CFAP410: variants seen among roughly 807,000 people sequenced by gnomAD.
The protein encoded by CFAP410 is cilia- and flagella-associated protein 410.
Under a neutral mutation model 25.7 loss-of-function variants are expected in CFAP410, and 27 were observed. That is an observed-to-expected ratio of 1.05 (90% CI 0.77 to 1.45). The LOEUF (loss-of-function observed/expected upper bound fraction) is 1.45. Among genes scored for constraint, CFAP410 ranks in the 40% most tolerant of loss-of-function variants. CFAP410 has a pLI of 0.00. For synonymous variants in CFAP410, 178 were observed against 158.4 expected (o/e 1.12, Z -0.93); for missense variants, 428 against 354.1 (o/e 1.21, Z -1.67).
At chr21:44,330,952 G>A (rs370075444) in intron 5 of CFAP410, 33 bp from the exon 6 acceptor site, 41 of 1,530,908 alleles carry the variant, frequency 2.7e-5, no homozygotes, top group Non-Finnish European at 3.1e-5. Context: ...TGAGGGTCAG[G>A]GGGCTCGTGG....
At chr21:44,334,484 G>A (rs190010259) in intron 3 of CFAP410, 7 of 219,458 alleles carry the variant, frequency 3.2e-5, no homozygotes, top group South Asian at 1.8e-4. Context: ...GCAGGCACGC[G>A]CACCCCCCCT....
intron 5 of CFAP410, chr21:44,331,202 G>A: frequency 1.9e-6 from 1 of 523,096 alleles, no homozygotes; most frequent in Non-Finnish European, 3.4e-6. Flanking sequence ...GCAGGGTGGG[G>A]GGCACCCGAA....
intron 3 of CFAP410, chr21:44,333,644 A>C: frequency 3.1e-6 from 1 of 327,548 alleles, no homozygotes; most frequent in Non-Finnish European, 5.7e-6. Flanking sequence ...AGAAAAACTC[A>C]TGGCAAAAAC....
rs893404743 is a variant in CFAP410, at chr21:44,329,192, C to T, written c.*1006G>A. ...CCAGTGCTGCAGCTGGCTCTGGTGA[C>T]GGTGGCACGGCATGGCCCCGAGCTT... On this transcript the variant is annotated 3_prime_UTR_variant, in exon 7 of 7. Coordinates refer to ENST00000339818, the MANE Select transcript of CFAP410 (RefSeq NM_004928.3). 2.6e-5 allele frequency: 4 copies of T among 152,356 alleles called. No individual in the cohort carries two copies. Among genetic ancestry groups the T allele is most frequent in the Non-Finnish European group, 4.4e-5 (3 of 68,146 alleles). 9.4% of individuals were successfully genotyped at this position (152,356 alleles called of 1,614,324 possible).
In CFAP410 at chr21:44,330,316, G is replaced by T; in HGVS notation, c.653C>A (p.Thr218Asn). Residue 218 changes from threonine to asparagine, a missense_variant, in exon 7 of 7, where the codon ACT becomes AAT. By Grantham distance (65) the Thr-to-Asn change is moderately conservative. Coordinates refer to ENST00000339818, the MANE Select transcript of CFAP410 (RefSeq NM_004928.3). Reference protein sequence around the residue: ...SSSHRGRNVLTAILLLLRELD... With the variant: ...SSSHRGRNVLNAILLLLRELD... ...CTCCCGCAGCAGCAGCAGGATGGCAGTCAGGACGTTCTGAGGGCAGAGGGG... is the reference window on the plus strand; with the variant it reads ...CTCCCGCAGCAGCAGCAGGATGGCATTCAGGACGTTCTGAGGGCAGAGGGG... The T allele has an allele frequency of 6.2e-7, 1 of 1,610,508 alleles. No individual in the cohort carries two copies. The highest frequency in any genetic ancestry group is 8.5e-7 in the Non-Finnish European group (1 of 1,178,792).
chr21:44,337,688 T>C, intron 1 of CFAP410, 21 bp from the exon 2 acceptor site: 2 of 1,603,532 alleles, frequency 1.2e-6, no homozygotes, highest in African/African-American at 2.7e-5. Flanking sequence ...AAAAGATACA[T>C]ACTTTAATTT....
chr21:44,333,409 G>T, intron 3 of CFAP410, 147 bp from the exon 4 acceptor site: 1 of 661,702 alleles, frequency 1.5e-6, no homozygotes, highest in Non-Finnish European at 2.6e-6. Flanking sequence ...CAAGTCACGT[G>T]CAGCAGGACC....
chr21:44,337,536 T>C (rs1602089808), intron 2 of CFAP410, 113 bp downstream of exon 2: 2 of 855,684 alleles, frequency 2.3e-6, no homozygotes, highest in Non-Finnish European at 3.8e-6. Flanking sequence ...ACTGAATTGA[T>C]AGGTGCAGTT....
chr21:44,335,901 C>T (rs1009804856), intron 2 of CFAP410, 97 bp from the exon 3 acceptor site: 2 of 936,974 alleles, frequency 2.1e-6, no homozygotes, highest in East Asian at 2.6e-5. Flanking sequence ...CACGGCCAAC[C>T]CACTTCCGGG....
chr21:44,338,397 G>A (rs1418142604), intron 1 of CFAP410: 2 of 1,015,986 alleles, frequency 2.0e-6, no homozygotes, highest in Non-Finnish European at 2.7e-6. Flanking sequence ...TCTTCTGGAA[G>A]CTCCTGGTCT....
intron 3 of CFAP410, chr21:44,333,523 T>G (rs1410306194): frequency 1.8e-6 from 1 of 568,720 alleles, no homozygotes; most frequent in African/African-American, 1.9e-5. Context: ...CCACATCAGC[T>G]CCTCAGGGCG....
At position 44,329,117 on chromosome 21, in the gene CFAP410, A is replaced by G. The variant is rs1457115966; in HGVS notation, c.*1081T>C. 1 of 152,206 alleles carries G rather than the reference A, an allele frequency of 6.6e-6. No individual in the cohort carries two copies. The highest frequency in any genetic ancestry group is 1.5e-5 in the Non-Finnish European group (1 of 68,038). The allele number at this position is 152,206 out of a possible 1,614,324, so 9.4% of individuals were successfully genotyped here. A position where few individuals can be genotyped will look rare whatever the true frequency, so the allele number is the denominator to read the frequency against. On this transcript the variant is annotated 3_prime_UTR_variant, in exon 7 of 7. Coordinates refer to ENST00000339818, the MANE Select transcript of CFAP410 (RefSeq NM_004928.3). ...CCCTTCTGGAGAGCTTGCACGGATG[A>G]GTGACTGTCTTCACCCTGGGCTTCC... is the stretch of plus-strand genomic sequence containing the variant.
rs1348383922 is a variant in CFAP410, at chr21:44,339,265, G to A, written c.-71C>T. ...CCCGGGCGGGTGACGACTGCGCGGC[G>A]CGTGTCTCCAGGGGCGGGGCCCGCG... is the stretch of plus-strand genomic sequence containing the variant. On this transcript the variant is annotated 5_prime_UTR_variant, in exon 1 of 7. Coordinates refer to ENST00000339818, the MANE Select transcript of CFAP410 (RefSeq NM_004928.3). 3.9e-6 allele frequency: 4 copies of A among 1,019,710 alleles called. No homozygotes were observed. Among genetic ancestry groups the A allele is most frequent in the Non-Finnish European group, 5.4e-6 (4 of 746,030 alleles). 63.2% of individuals were successfully genotyped at this position (1,019,710 alleles called of 1,614,324 possible). A position where few individuals can be genotyped will look rare whatever the true frequency, so the allele number is the denominator to read the frequency against.
intron 4 of CFAP410, 84 bp downstream of exon 4, chr21:44,332,949 A>C (rs2047678496): frequency 5.5e-6 from 5 of 915,986 alleles, no homozygotes; most frequent in Non-Finnish European, 8.4e-6. Context: ...TATTTGCAGA[A>C]AAGGAGAAGA....
At chr21:44,330,380 C>G in intron 6 of CFAP410, 54 bp from the exon 7 acceptor site, 1 of 1,583,262 alleles carries the variant, frequency 6.3e-7, no homozygotes, top group African/African-American at 1.3e-5. Flanking sequence ...GGCTGCTTCC[C>G]TCCACAAGGG....
In CFAP410 at chr21:44,339,148, T is replaced by C. The variant is rs2146091214; in HGVS notation, c.47A>G (p.Glu16Gly). The change falls in exon 1 of 7, where the codon GAG becomes GGG. Residue 16 changes from glutamate (E) to glycine (G), a missense_variant. Physicochemically the swap from Glu to Gly is moderately conservative, Grantham distance 98. Transcript: ENST00000339818. ...KMVLTRAKAS[E>G]LHSVRKLNCW... Reference sequence around the variant, plus strand: ...GTTGAGCTTGCGCACGCTGTGCAGCTCCGAGGCCTTGGCCCGGGTCAGAAC... The same window carrying C: ...GTTGAGCTTGCGCACGCTGTGCAGCCCCGAGGCCTTGGCCCGGGTCAGAAC... 1.4e-6 allele frequency: 2 copies of C among 1,472,290 alleles called. No individual in the cohort carries two copies. Among genetic ancestry groups the C allele is most frequent in the Admixed American group, 4.9e-5 (2 of 40,434 alleles). The allele number at this position is 1,472,290 out of a possible 1,614,324, so 91.2% of individuals were successfully genotyped here. A position where few individuals can be genotyped will look rare whatever the true frequency, so the allele number is the denominator to read the frequency against.
At position 44,334,531 on chromosome 21, in the gene CFAP410, C is replaced by CCCCCT. The variant is rs2047717624; in HGVS notation, c.143+1226_143+1227insAGGGG. ...CGGGCACGCGCACCCCCCCCCCCCC[C>CCCCCT]CCGCTCAACCTCTGGGCGGGCACGC... On this transcript the variant is annotated intron_variant, in intron 3 of 6. Transcript: ENST00000339818. The CCCCCT allele has an allele frequency of 9.0e-3, 224 of 24,938 alleles. 7 individuals are homozygous for CCCCCT. Among genetic ancestry groups the CCCCCT allele is most frequent in the African/African-American group, 0.031 (204 of 6,556 alleles). The allele number at this position is 24,938 out of a possible 1,614,324, so 1.5% of individuals were successfully genotyped here.
At chr21:44,331,043 C>T (rs372541349) in intron 5 of CFAP410, 124 bp from the exon 6 acceptor site, 12 of 894,176 alleles carry the variant, frequency 1.3e-5, no homozygotes, top group East Asian at 5.3e-5. Flanking sequence ...ACCTGGCACA[C>T]GGGGGCAAGA....
chr21:44,334,527 C>CCA, intron 3 of CFAP410: 1 of 17,860 alleles, frequency 5.6e-5, no homozygotes. Context: ...ACCCCCCCCC[C>CCA]CCCCCCGCTC....
Sources: gnomAD v4.1 joint callset for allele counts on GRCh38, gnomAD v4.1.1 for gene constraint, MANE v1.5 for transcripts, NCBI Gene and HGNC (gene_info 2026-07-23, HGNC 2026-07-21) for gene names.